Variants in RIN2 observed in about 807,000 individuals in gnomAD.
The protein encoded by RIN2 is Ras and Rab interactor 2.
Under a neutral mutation model 78.0 loss-of-function variants are expected in RIN2, and 36 were observed. The ratio of observed to expected loss-of-function variants is 0.46; its 90% CI spans 0.35 to 0.61. The LOEUF is 0.61. Ranked by LOEUF, RIN2 falls within the 20% of genes least tolerant of loss-of-function variation. The pLI is 0.00. For missense variants in RIN2, 1,087 were observed against 1,159.7 expected, an observed-to-expected ratio of 0.94 and a Z score of 0.91; for synonymous variants, 466 against 466.8, an observed-to-expected ratio of 1.00 and a Z score of 0.02.
chr20:19,959,240 A>G (rs2041658657), intron 5 of RIN2, among the ~76,000 whole-genome samples: 1 of 152,160 alleles, frequency 6.6e-6, no homozygotes, highest in South Asian at 2.1e-4. Context: ...AACCCCTGAT[A>G]TAACGTAAGG....
In RIN2 at chr20:19,975,099, A is replaced by C. The variant is rs549810020; in HGVS notation, c.1074A>C (p.Pro358=). The C allele has an allele frequency of 6.2e-7, 1 of 1,613,128 alleles. No individual in the cohort carries two copies. The highest frequency in any genetic ancestry group is 2.2e-5 in the East Asian group (1 of 44,830). The change falls in exon 9 of 13, where the codon CCA becomes CCC. Residue 358 remains proline, a synonymous_variant. Coordinates refer to ENST00000255006, the MANE Select transcript of RIN2 (RefSeq NM_018993.4). This position sits in a 1 kb window ranked among gnomAD's most constrained non-coding sequence, Gnocchi z 4.9. ...LPGTKPTPIP[P]PRLKKQASFL... The stretch of plus-strand genomic sequence containing the variant: ...GAACGAAACCAACTCCCATCCCTCC[A>C]CCCCGGCTGAAGAAGCAGGCTTCTT...
intron 2 of RIN2, among the ~76,000 whole-genome samples, chr20:19,846,202 G>C (rs2036777886): frequency 6.6e-6 from 1 of 152,136 alleles, no homozygotes; most frequent in African/African-American, 2.4e-5. Context: ...GATTGTCTTG[G>C]CTATACGGGC....
chr20:19,914,406 G>A (rs557915441), intron 3 of RIN2, among the ~76,000 whole-genome samples: 7 of 152,316 alleles, frequency 4.6e-5, no homozygotes, highest in Non-Finnish European at 8.8e-5. Context: ...GTTCTGTGGT[G>A]TTCCTGTATG....
In RIN2 at chr20:19,844,593, GCTTCTTCCT is replaced by G. The variant is rs1312812556; in HGVS notation, c.-37+44854_-37+44862del. ...CTAGAGAGCTGCTGCTGCTGCTGCT[GCTTCTTCCT>G]CTTCTTCTTCTTCTTCTTCTTCTTC... On this transcript the variant is annotated intron_variant, in intron 2 of 12. Transcript: ENST00000255006. Among the ~76,000 whole-genome samples the G allele has an allele frequency of 2.6e-3, 166 of 64,120 alleles. 3 individuals are homozygous for G. Among genetic ancestry groups the G allele is most frequent in the African/African-American group, 6.5e-3 (126 of 19,524 alleles). The allele number at this position is 64,120 out of a possible 152,430, so 42.1% of individuals were successfully genotyped here.
chr20:19,790,654 A>G (rs2034860537), intron 1 of RIN2, among the ~76,000 whole-genome samples: 2 of 152,108 alleles, frequency 1.3e-5, no homozygotes, highest in East Asian at 1.9e-4. Flanking sequence ...AAATAGAATA[A>G]TCATCCACTT....
intron 2 of RIN2, among the ~76,000 whole-genome samples, chr20:19,846,026 T>C (rs1457483826): frequency 2.0e-5 from 3 of 152,232 alleles, no homozygotes; most frequent in Admixed American, 2.0e-4. Context: ...TTGTCAAAGA[T>C]CAGATGGTTG....
At chr20:19,764,119 GT>G (rs2033766137) in intron 1 of RIN2, among the ~76,000 whole-genome samples, 1 of 151,974 alleles carries the variant, frequency 6.6e-6, no homozygotes, top group Non-Finnish European at 1.5e-5. Context: ...GAGACTTTTT[GT>G]TTTTTATGTA....
chr20:19,893,241 C>T (rs1025555471), intron 3 of RIN2, among the ~76,000 whole-genome samples: 13 of 152,168 alleles, frequency 8.5e-5, no homozygotes, highest in Admixed American at 4.6e-4. Context: ...TTTGGAGTGA[C>T]TCTTGATGCT....
At chr20:19,874,055 C>T (rs62200203) in intron 2 of RIN2, among the ~76,000 whole-genome samples, 2 of 111,226 alleles carry the variant, frequency 1.8e-5, no homozygotes, top group African/African-American at 3.4e-5. Flanking sequence ...GCCTTTTTCA[C>T]ATTTTGGTGT....
At chr20:19,958,820 G>C (rs1292180985) in intron 5 of RIN2, among the ~76,000 whole-genome samples, 1 of 152,178 alleles carries the variant, frequency 6.6e-6, no homozygotes, top group Non-Finnish European at 1.5e-5. Context: ...AGTGAGCTGA[G>C]ATTGCACCAC....
chr20:19,895,457 G>A (rs2038678895), intron 3 of RIN2, among the ~76,000 whole-genome samples: 1 of 152,150 alleles, frequency 6.6e-6, no homozygotes, highest in African/African-American at 2.4e-5. Flanking sequence ...CCCTTTCTAA[G>A]TGGCTGCCTT....
chr20:19,779,853 G>A (rs2034438635), intron 1 of RIN2, among the ~76,000 whole-genome samples: 1 of 152,114 alleles, frequency 6.6e-6, no homozygotes, highest in Non-Finnish European at 1.5e-5. Flanking sequence ...TTGTGCCTCC[G>A]GGGAAAGAAT....
chr20:19,763,808 G>C (rs1410312380), intron 1 of RIN2, among the ~76,000 whole-genome samples: 6 of 152,174 alleles, frequency 3.9e-5, no homozygotes, highest in Admixed American at 3.9e-4. Context: ...GGTTATAAAG[G>C]TATGCTGGTT....
rs188608527 is a variant in RIN2 at position 19,960,854 on chromosome 20, C to A, written c.463+43C>A. 4,848 of 1,256,386 alleles carry A rather than the reference C, an allele frequency of 3.9e-3. 18 individuals carry two copies. The highest frequency in any genetic ancestry group is 4.6e-3 in the Non-Finnish European group (4,079 of 880,204). 77.8% of individuals were successfully genotyped at this position (1,256,386 alleles called of 1,614,324 possible). A position where few individuals can be genotyped will look rare whatever the true frequency, so the allele number is the denominator to read the frequency against. Reference sequence around the variant, plus strand: ...GCTCAGGTCCTGACTGACAGGGCCACGGGGCTCTGCAGGGAGTGGAAATGG... The same window carrying A: ...GCTCAGGTCCTGACTGACAGGGCCAAGGGGCTCTGCAGGGAGTGGAAATGG... On this transcript the variant is annotated intron_variant, in intron 6 of 12. Transcript: ENST00000255006.
chr20:19,782,903 T>A (rs1358302068), intron 1 of RIN2, among the ~76,000 whole-genome samples: 1 of 152,240 alleles, frequency 6.6e-6, no homozygotes, highest in Non-Finnish European at 1.5e-5. Context: ...CCTACCTGTA[T>A]GCTGGCTGTC....
chr20:19,790,524 G>T (rs1236053364), intron 1 of RIN2, among the ~76,000 whole-genome samples: 1 of 152,132 alleles, frequency 6.6e-6, no homozygotes, highest in Non-Finnish European at 1.5e-5. Flanking sequence ...GGGCTCTGTG[G>T]CTTGCACTTG....
chr20:19,970,105 G>C (rs370185583), intron 7 of RIN2, among the ~76,000 whole-genome samples: 9 of 152,210 alleles, frequency 5.9e-5, no homozygotes, highest in Non-Finnish European at 1.3e-4. Context: ...TGGGTGCTGG[G>C]GTTATTGGCA....
chr20:19,958,223 G>T (rs1385513679), intron 5 of RIN2, among the ~76,000 whole-genome samples: 1 of 152,240 alleles, frequency 6.6e-6, no homozygotes, highest in Admixed American at 6.5e-5. Flanking sequence ...TCTCATCTTT[G>T]CAGAGAATCC....
intron 4 of RIN2, 162 bp downstream of exon 4, chr20:19,935,361 A>G (rs2040597033): frequency 7.8e-7 from 1 of 1,280,464 alleles, no homozygotes; most frequent in Non-Finnish European, 1.0e-6. Flanking sequence ...TGGCCTAGGA[A>G]CTAGTTGTCT....
Sources: gnomAD v4.1 joint callset for allele counts (sites outside exome capture counted in the v4.1 genomes callset) on GRCh38, gnomAD v4.1.1 for gene constraint, Gnocchi (gnomAD v3.1) non-coding constraint, MANE v1.5 for transcripts, NCBI Gene and HGNC (gene_info 2026-07-23, HGNC 2026-07-21) for gene names.